MGAT5: variants seen among roughly 807,000 people sequenced by gnomAD.
MGAT5 encodes alpha-1,6-mannosylglycoprotein 6-beta-N-acetylglucosaminyltransferase A.
Under a neutral mutation model 94.3 loss-of-function variants are expected in MGAT5, and 30 were observed. The ratio of observed to expected loss-of-function variants is 0.32; its 90% CI spans 0.24 to 0.43. The LOEUF is 0.43. Among genes scored for constraint, MGAT5 ranks in the 20% least tolerant of loss-of-function variants. The pLI is 1.00. For synonymous variants in MGAT5, 310 were observed against 322.9 expected (o/e 0.96, Z 0.43); for missense variants, 691 against 905.5 (o/e 0.76, Z 3.04).
chr2:134,161,933 G>A (rs1028685316), intron 1 of MGAT5, among the ~76,000 whole-genome samples: 4 of 152,208 alleles, frequency 2.6e-5, no homozygotes, highest in African/African-American at 9.6e-5. Context: ...GCTCATGACT[G>A]TAATCCCTGC....
At chr2:134,304,073 T>A (rs12613140) in intron 2 of MGAT5, among the ~76,000 whole-genome samples, 115,915 of 152,132 alleles carry the variant, frequency 0.76, 45,935 homozygotes, top group Non-Finnish European at 0.87. Flanking sequence ...ATAGTTTCTC[T>A]GCTTTGTTTT....
At chr2:134,240,020 T>G (rs2105439999) in intron 1 of MGAT5, among the ~76,000 whole-genome samples, 1 of 152,206 alleles carries the variant, frequency 6.6e-6, no homozygotes. Flanking sequence ...AACTGGTTGT[T>G]CAGATACCTA....
In MGAT5 at chr2:134,270,436, G is replaced by T; in HGVS notation, c.292G>T (p.Gly98Cys). ...ATTAGATAACATTTTGCAGCGCATTGGCAAGTTGGAGTCGAAGGTGGACAA... is the reference window on the plus strand; with the variant it reads ...ATTAGATAACATTTTGCAGCGCATTTGCAAGTTGGAGTCGAAGGTGGACAA... ...VLLDNILQRI[G>C]KLESKVDNLV... The change falls in exon 2 of 16, where the codon GGC (glycine) becomes TGC (cysteine). Residue 98 changes from glycine (G) to cysteine (C), a missense_variant. By Grantham distance (159) the Gly-to-Cys change is radical. Around this residue, in one of 4 missense-constraint regions of MGAT5, gnomAD observed 307 missense variants for 335.4 expected, o/e 0.92. Transcript: ENST00000281923. 6.2e-7 allele frequency: 1 copy of T among 1,614,190 alleles called. No individual in the cohort carries two copies. Among genetic ancestry groups the T allele is most frequent in the East Asian group, 2.2e-5 (1 of 44,882 alleles).
intron 2 of MGAT5, among the ~76,000 whole-genome samples, chr2:134,281,018 G>C (rs1267385501): frequency 1.3e-5 from 2 of 152,210 alleles, no homozygotes; most frequent in Non-Finnish European, 2.9e-5. Flanking sequence ...GTCACAGCCT[G>C]GACCTGGTCT....
At chr2:134,241,419 C>T (rs1483612208) in intron 1 of MGAT5, among the ~76,000 whole-genome samples, 1 of 152,192 alleles carries the variant, frequency 6.6e-6, no homozygotes, top group Non-Finnish European at 1.5e-5. Context: ...GACATTTTGT[C>T]TAATTGGGGG....
chr2:134,193,992 A>G (rs1219826971), intron 1 of MGAT5, among the ~76,000 whole-genome samples: 1 of 152,148 alleles, frequency 6.6e-6, no homozygotes, highest in Non-Finnish European at 1.5e-5. Flanking sequence ...GCCAGATGGT[A>G]TTGCACCTCC....
chr2:134,232,439 C>T (rs948801772), intron 1 of MGAT5, among the ~76,000 whole-genome samples: 1 of 152,124 alleles, frequency 6.6e-6, no homozygotes, highest in East Asian at 1.9e-4. Flanking sequence ...TATTCTGGAC[C>T]CATTAGCTGA....
At chr2:134,381,260 G>A (rs1681525085) in intron 10 of MGAT5, among the ~76,000 whole-genome samples, 1 of 151,850 alleles carries the variant, frequency 6.6e-6, no homozygotes, top group Admixed American at 6.6e-5. Context: ...TTGTATTGTA[G>A]TTAGCCATCA....
intron 12 of MGAT5, among the ~76,000 whole-genome samples, chr2:134,419,948 A>G (rs1684204215): frequency 6.6e-6 from 1 of 152,204 alleles, no homozygotes; most frequent in Non-Finnish European, 1.5e-5. Flanking sequence ...ATGATGTGAC[A>G]TTTTGCTCAT....
intron 2 of MGAT5, among the ~76,000 whole-genome samples, 157 bp from the exon 3 acceptor site, chr2:134,317,372 G>A (rs1056286213): frequency 4.6e-5 from 7 of 152,106 alleles, no homozygotes; most frequent in African/African-American, 1.7e-4. Flanking sequence ...GGACCAGTTA[G>A]ATATATTGGA....
chr2:134,275,689 C>T (rs547575187), intron 2 of MGAT5, among the ~76,000 whole-genome samples: 1 of 151,364 alleles, frequency 6.6e-6, no homozygotes. Flanking sequence ...GTCCCCACCC[C>T]CTGCCGCCTC....
intron 8 of MGAT5, among the ~76,000 whole-genome samples, chr2:134,348,065 AAG>A (rs1377601814): frequency 1.3e-5 from 2 of 152,234 alleles, no homozygotes; most frequent in African/African-American, 4.8e-5. Context: ...GCTTTTGCAG[AAG>A]AATATATAGT....
At chr2:134,172,123 T>C (rs1267569660) in intron 1 of MGAT5, among the ~76,000 whole-genome samples, 5 of 152,198 alleles carry the variant, frequency 3.3e-5, no homozygotes, top group African/African-American at 1.2e-4. Context: ...AGTACAAATT[T>C]ATTGAGCTTG....
chr2:134,189,607 T>TTTTTTTTTTTTTTTG (rs1553490420), intron 1 of MGAT5, among the ~76,000 whole-genome samples: 12,404 of 79,478 alleles, frequency 0.16, 964 homozygotes, highest in Non-Finnish European at 0.25. Flanking sequence ...TTTTTGTTTT[T>TTTTTTTTTTTTTTTG]TTTTTTTTTT....
At chr2:134,148,700 T>A (rs2104993494) in intron 1 of MGAT5, among the ~76,000 whole-genome samples, 1 of 152,216 alleles carries the variant, frequency 6.6e-6, no homozygotes, top group South Asian at 2.1e-4. Context: ...TTTTCACTTC[T>A]ATCGTAGAGA....
intron 4 of MGAT5, among the ~76,000 whole-genome samples, chr2:134,324,950 A>G (rs1042170209): frequency 6.6e-5 from 10 of 151,102 alleles, no homozygotes; most frequent in African/African-American, 2.4e-4. Flanking sequence ...TATCTTTTTC[A>G]TCTGTATATA....
intron 11 of MGAT5, among the ~76,000 whole-genome samples, chr2:134,410,797 A>AG (rs1683604996): frequency 6.6e-6 from 1 of 152,212 alleles, no homozygotes; most frequent in Admixed American, 6.5e-5. Flanking sequence ...ACTTCATGGC[A>AG]GGCCCTGATT....
At chr2:134,400,210 C>A (rs946093444) in intron 10 of MGAT5, among the ~76,000 whole-genome samples, 2 of 152,116 alleles carry the variant, frequency 1.3e-5, no homozygotes, top group East Asian at 1.9e-4. Flanking sequence ...TTCTGGGGCA[C>A]CTTTACCTGG....
In MGAT5 at chr2:134,254,315, A is replaced by C; in HGVS notation, c.-89A>C. 6.7e-7 allele frequency: 1 copy of C among 1,492,938 alleles called. No individual in the cohort carries two copies. The highest frequency in any genetic ancestry group is 1.4e-5 in the African/African-American group (1 of 72,250). The allele number at this position is 1,492,938 out of a possible 1,614,324, so 92.5% of individuals were successfully genotyped here. ...CTGACACAGGAGCCAGAGTGAGACC[A>C]GCAGACTCTCACACTCAACCTACAC... is the stretch of plus-strand genomic sequence containing the variant. On this transcript the variant is annotated 5_prime_UTR_variant, in exon 1 of 16. Transcript: ENST00000281923.
Sources: allele counts gnomAD v4.1 joint callset (sites outside exome capture counted in the v4.1 genomes callset), GRCh38; gene constraint gnomAD v4.1.1; regional missense constraint gnomAD v4.1.1; transcripts MANE v1.5; gene names NCBI Gene and HGNC (gene_info 2026-07-23, HGNC 2026-07-21).